HDAC9: variants seen among roughly 807,000 people sequenced by gnomAD.
HDAC9 encodes the protein MEF-2 interacting transcription repressor (MITR) protein.
A neutral mutation model predicts 139.4 loss-of-function variants in HDAC9; 41 were observed. That is an observed-to-expected ratio of 0.29 (90% confidence interval 0.23 to 0.38). The LOEUF (loss-of-function observed/expected upper bound fraction) is 0.38. Ranked by LOEUF, HDAC9 falls within the 10% of genes least tolerant of loss-of-function variation. The pLI, the probability that HDAC9 is intolerant of heterozygous loss-of-function variation, is 1.00. For missense variants in HDAC9, 1,147 were observed against 1,297.0 expected, an observed-to-expected ratio of 0.88 and a Z score of 1.78; for synonymous variants, 517 against 476.2, an observed-to-expected ratio of 1.09 and a Z score of -1.12.
intron 22 of HDAC9, among the ~76,000 whole-genome samples, chr7:18,898,212 G>A (rs1026075636): frequency 1.3e-5 from 2 of 151,570 alleles, no homozygotes; most frequent in Non-Finnish European, 3.0e-5. Flanking sequence ...AGTCTATTAA[G>A]ACAGACACAT....
At chr7:18,500,840 A>G (rs1161270888) in intron 2 of HDAC9, among the ~76,000 whole-genome samples, 5 of 152,158 alleles carry the variant, frequency 3.3e-5, no homozygotes, top group African/African-American at 4.8e-5. Context: ...TAAATTTTAT[A>G]TTAAAAAAAG....
At chr7:18,283,169 G>A (rs302167) in intron 2 of HDAC9, among the ~76,000 whole-genome samples, 151,601 of 152,226 alleles carry the variant, frequency 1, 75,489 homozygotes, top group Middle Eastern at 1. Context: ...AACAGGAAGC[G>A]TGACTGGGAG....
intron 17 of HDAC9, among the ~76,000 whole-genome samples, chr7:18,819,426 T>A (rs1192916124): frequency 6.6e-6 from 1 of 152,210 alleles, no homozygotes; most frequent in Non-Finnish European, 1.5e-5. Context: ...AAATCTGACA[T>A]TTTGATAAAT....
At chr7:18,968,617 T>A (rs1336133311) in intron 24 of HDAC9, among the ~76,000 whole-genome samples, 1 of 151,938 alleles carries the variant, frequency 6.6e-6, no homozygotes, top group Non-Finnish European at 1.5e-5. Context: ...AGAACCCAAA[T>A]AGGGTCCAGT....
chr7:18,792,879 C>T (rs914958645), intron 16 of HDAC9, among the ~76,000 whole-genome samples: 1 of 152,204 alleles, frequency 6.6e-6, no homozygotes, highest in Admixed American at 6.5e-5. Context: ...GTTTGGCTCC[C>T]TGTAAACCTG....
At chr7:18,874,375 A>T in intron 21 of HDAC9, 103 bp from the exon 22 acceptor site, 1 of 592,240 alleles carries the variant, frequency 1.7e-6, no homozygotes, top group Non-Finnish European at 3.1e-6. Flanking sequence ...CCTTTTCTTT[A>T]TTCTTGGGAG....
At chr7:18,833,046 T>A (rs1259165166) in intron 19 of HDAC9, among the ~76,000 whole-genome samples, 3 of 152,098 alleles carry the variant, frequency 2.0e-5, no homozygotes, top group African/African-American at 7.2e-5. Context: ...TTAAAAAAAA[T>A]GATATTCTTA....
At chr7:18,391,392 A>ACCC (rs1786475688) in intron 1 of HDAC9, among the ~76,000 whole-genome samples, 1 of 150,458 alleles carries the variant, frequency 6.6e-6, no homozygotes, top group Non-Finnish European at 1.5e-5. Flanking sequence ...CCCCCCCCCA[A>ACCC]AAAAAAAAGA....
At chr7:18,376,880 A>T (rs1241589154) in intron 1 of HDAC9, among the ~76,000 whole-genome samples, 1 of 152,118 alleles carries the variant, frequency 6.6e-6, no homozygotes, top group Admixed American at 6.5e-5. Context: ...GTATTTTATT[A>T]TAGCAGCGTA....
intron 1 of HDAC9, among the ~76,000 whole-genome samples, chr7:18,359,568 C>T (rs1783610407): frequency 6.6e-6 from 1 of 152,132 alleles, no homozygotes; most frequent in African/African-American, 2.4e-5. Flanking sequence ...CTGTAGTCCC[C>T]AGCACCTGCT....
intron 16 of HDAC9, among the ~76,000 whole-genome samples, chr7:18,779,207 T>C (rs911158326): frequency 2.0e-5 from 3 of 152,092 alleles, no homozygotes; most frequent in Admixed American, 6.6e-5. Context: ...AGAGAATGCA[T>C]GTGGGTTCAC....
chr7:18,488,725 T>A (rs925848973), intron 1 of HDAC9, among the ~76,000 whole-genome samples: 2 of 152,040 alleles, frequency 1.3e-5, no homozygotes, highest in African/African-American at 4.8e-5. Context: ...CACATTTTTA[T>A]ATTTTCTTAG....
chr7:18,122,762 G>A (rs1400978512), intron 1 of HDAC9, among the ~76,000 whole-genome samples: 2 of 152,044 alleles, frequency 1.3e-5, no homozygotes, highest in Non-Finnish European at 2.9e-5. Context: ...GGGATTACAG[G>A]TGTGTGCCAC....
rs541631005 is a variant in HDAC9, at chr7:18,599,030, C to T, written c.664+5001C>T. Among the ~76,000 whole-genome samples, 10 of 152,218 alleles carry T rather than the reference C, an allele frequency of 6.6e-5. No individual in the cohort carries two copies. The South Asian group carries it at 1.5e-3, about 22-fold the overall frequency. On this transcript the variant is annotated intron_variant, in intron 6 of 25. Coordinates refer to ENST00000686413, the MANE Select transcript of HDAC9 (RefSeq NM_178425.4). The stretch of plus-strand genomic sequence containing the variant: ...GTCTCTTAACAAATAAAATAAAAAA[C>T]GGAGCAGCAGGCTTGTTTTTGTTGT...
At chr7:18,939,790 A>G (rs531692848) in intron 23 of HDAC9, among the ~76,000 whole-genome samples, 1 of 152,314 alleles carries the variant, frequency 6.6e-6, no homozygotes, top group East Asian at 1.9e-4. Flanking sequence ...AGTGATTAAT[A>G]GAGCAATTAG....
chr7:18,983,211 T>C (rs1292939944), intron 25 of HDAC9, among the ~76,000 whole-genome samples: 2 of 152,250 alleles, frequency 1.3e-5, no homozygotes, highest in African/African-American at 4.8e-5. Context: ...TTTTGTCTTT[T>C]TCTACTGGCT....
intron 1 of HDAC9, among the ~76,000 whole-genome samples, chr7:18,146,404 C>T (rs1397834925): frequency 6.6e-6 from 1 of 152,134 alleles, no homozygotes; most frequent in Non-Finnish European, 1.5e-5. Flanking sequence ...TATTTGGGCT[C>T]AGGCTTGGCT....
chr7:18,884,970 A>G (rs980998335), intron 22 of HDAC9, among the ~76,000 whole-genome samples: 6 of 152,228 alleles, frequency 3.9e-5, no homozygotes, highest in Non-Finnish European at 8.8e-5. Context: ...GTATACTGAT[A>G]TTCTTCAAGT....
intron 22 of HDAC9, among the ~76,000 whole-genome samples, chr7:18,879,453 C>CA (rs1799563025): frequency 6.6e-6 from 1 of 152,002 alleles, no homozygotes; most frequent in African/African-American, 2.4e-5. Flanking sequence ...GGTACTGGTA[C>CA]AAAAACAGGC....
Sources: gnomAD v4.1 joint callset for allele counts (sites outside exome capture counted in the v4.1 genomes callset) on GRCh38, gnomAD v4.1.1 for gene constraint, MANE v1.5 for transcripts, NCBI Gene and HGNC (gene_info 2026-07-23, HGNC 2026-07-21) for gene names.